PRELP: variants seen among roughly 807,000 people sequenced by gnomAD.
PRELP encodes proline and arginine rich end leucine rich repeat protein, also known as prolargin.
In PRELP, 16 loss-of-function variants were observed where a neutral mutation model predicts 22.8. That is an observed-to-expected ratio of 0.70 (90% CI 0.47 to 1.06). The LOEUF is 1.06. Among genes scored for constraint, PRELP ranks in the 50% least tolerant of loss-of-function variants. The pLI, the probability that PRELP is intolerant of heterozygous loss-of-function variation, is 0.00. For synonymous variants in PRELP, 233 were observed against 211.4 expected (o/e 1.10, Z -0.89); for missense variants, 434 against 485.2 (o/e 0.89, Z 0.99).
rs780983575 is a variant in PRELP, at chr1:203,486,859, T to C, written c.1127T>C (p.Leu376Pro). 1 of 1,613,972 alleles carries C rather than the reference T, an allele frequency of 6.2e-7. No homozygotes were observed. The highest frequency in any genetic ancestry group is 8.5e-7 in the Non-Finnish European group (1 of 1,179,902). Reference protein sequence around the residue: ...IPLDLMMCFRLLQSVVI With the variant: ...IPLDLMMCFRPLQSVVI ...CTGGACCTCATGATGTGCTTCCGCC[T>C]CCTGCAGTCCGTGGTCATCTAGGCC... The change falls in exon 3 of 3, where the codon CTC becomes CCC. Residue 376 changes from leucine to proline, a missense_variant. Physicochemically the swap from Leu to Pro is moderately conservative, Grantham distance 98 (BLOSUM62 -3). Coordinates refer to ENST00000343110, the MANE Select transcript of PRELP (RefSeq NM_002725.4).
At chr1:203,485,555 C>T (rs1290754801) in intron 2 of PRELP, among the ~76,000 whole-genome samples, 1 of 152,196 alleles carries the variant, frequency 6.6e-6, no homozygotes, top group Non-Finnish European at 1.5e-5. Flanking sequence ...AACATTCTCT[C>T]CCCTGATTAC....
In PRELP at chr1:203,483,291, C is replaced by T. The variant is rs762019841; in HGVS notation, c.107C>T (p.Pro36Leu). 2.5e-6 allele frequency: 4 copies of T among 1,613,386 alleles called. No homozygotes were observed. Among genetic ancestry groups the T allele is most frequent in the South Asian group, 2.2e-5 (2 of 91,026 alleles). ...CCCGGGACTGGGCCCGGGCGCAGAC[C>T]CAGGCCCAGGCCCAGGCCCACACCC... The part of the protein sequence containing the change: ...PRPGTGPGRR[P>L]RPRPRPTPSF... The change falls in exon 2 of 3, where the codon CCC (proline) becomes CTC (leucine). Residue 36 changes from proline to leucine, a missense_variant. By Grantham distance (98) the Pro-to-Leu change is moderately conservative. Transcript: ENST00000343110. This position sits in a 1 kb window ranked among gnomAD's most constrained non-coding sequence, Gnocchi z 4.4.
chr1:203,478,745 C>A lies in PRELP; in HGVS notation c.-17+2807C>A, dbSNP rs1293220959. Among the ~76,000 whole-genome samples the A allele has an allele frequency of 2.0e-5, 3 of 152,118 alleles. No individual in the cohort carries two copies. In the South Asian group the frequency reaches 6.2e-4, roughly 32 times the overall value. On this transcript the variant is annotated intron_variant, in intron 1 of 2. Transcript: ENST00000343110. ...CAGGCTCTCCTCCCACTGCCCCAGG[C>A]AAGCTCATCCTTGTATCGTTTCACC...
In PRELP at chr1:203,486,866, G is replaced by A; in HGVS notation, c.1134G>A (p.Gln378=). 6.2e-7 allele frequency: 1 copy of A among 1,613,790 alleles called. No individual in the cohort carries two copies. Among genetic ancestry groups the A allele is most frequent in the Non-Finnish European group, 8.5e-7 (1 of 1,179,818 alleles). The stretch of plus-strand genomic sequence containing the variant: ...TCATGATGTGCTTCCGCCTCCTGCA[G>A]TCCGTGGTCATCTAGGCCCTACTCC... ...LDLMMCFRLL[Q]SVVI is the part of the protein sequence containing the mutation. The change falls in exon 3 of 3, where the codon CAG becomes CAA. Residue 378 remains glutamine, a synonymous_variant. Coordinates refer to ENST00000343110, the MANE Select transcript of PRELP (RefSeq NM_002725.4).
intron 1 of PRELP, among the ~76,000 whole-genome samples, chr1:203,478,059 C>T (rs1342921146): frequency 6.6e-6 from 1 of 152,090 alleles, no homozygotes; most frequent in African/African-American, 2.4e-5. Context: ...GGAAGGAGAC[C>T]CCATTACTTT....
At chr1:203,477,514 C>T (rs1355900173) in intron 1 of PRELP, among the ~76,000 whole-genome samples, 3 of 152,210 alleles carry the variant, frequency 2.0e-5, no homozygotes, top group Non-Finnish European at 4.4e-5. Context: ...TGTTTCCCCT[C>T]ACCTGTTAAT....
intron 1 of PRELP, among the ~76,000 whole-genome samples, chr1:203,478,336 A>G (rs1374304597): frequency 1.3e-5 from 2 of 152,120 alleles, no homozygotes; most frequent in African/African-American, 2.4e-5. Flanking sequence ...GGCAGAGGAT[A>G]TGGTAGGTGG....
intron 1 of PRELP, among the ~76,000 whole-genome samples, chr1:203,482,269 GCTTT>G (rs74720908): frequency 1.3e-4 from 19 of 148,968 alleles, no homozygotes; most frequent in African/African-American, 3.7e-4. Context: ...AGTCCAGTGT[GCTTT>G]CTTTCTTTCT....
intron 1 of PRELP, among the ~76,000 whole-genome samples, chr1:203,482,683 C>T (rs1404005775): frequency 8.5e-5 from 12 of 141,304 alleles, no homozygotes; most frequent in African/African-American, 1.8e-4. Context: ...CTGCAAACTC[C>T]GCCTCCCGGG....
At position 203,483,954 on chromosome 1, in the gene PRELP, T is replaced by C; in HGVS notation, c.770T>C (p.Ile257Thr). The C allele has an allele frequency of 1.2e-6, 2 of 1,614,184 alleles. No individual in the cohort carries two copies. The highest frequency in any genetic ancestry group is 1.7e-6 in the Non-Finnish European group (2 of 1,180,036). Reference protein sequence around the residue: ...LYLDSNKIETIPNGYFKSFPN... With the variant: ...LYLDSNKIETTPNGYFKSFPN... Reference sequence around the variant, plus strand: ...CTGGACAGTAACAAGATTGAGACCATCCCTAACGGATACTTCAAGAGCTTT... The same window carrying C: ...CTGGACAGTAACAAGATTGAGACCACCCCTAACGGATACTTCAAGAGCTTT... Residue 257 changes from isoleucine (I) to threonine (T), a missense_variant, in exon 2 of 3, where the codon ATC (isoleucine) becomes ACC (threonine). By Grantham distance (89) the Ile-to-Thr change is moderately conservative. Transcript: ENST00000343110. This position sits in a 1 kb window ranked among gnomAD's most constrained non-coding sequence, Gnocchi z 4.4.
intron 1 of PRELP, among the ~76,000 whole-genome samples, chr1:203,476,187 T>C (rs972373930): frequency 3.9e-5 from 6 of 152,210 alleles, no homozygotes; most frequent in African/African-American, 1.2e-4. Flanking sequence ...CTGCTGCAGA[T>C]GTTTGTTGTA....
At chr1:203,484,181 G>A in intron 2 of PRELP, 24 bp downstream of exon 2, 1 of 1,511,610 alleles carries the variant, frequency 6.6e-7, no homozygotes, top group Admixed American at 1.7e-5. Context: ...GCCGGGGCGG[G>A]GCCGAAGGCA....
At chr1:203,477,191 G>A (rs543385658) in intron 1 of PRELP, among the ~76,000 whole-genome samples, 2 of 152,196 alleles carry the variant, frequency 1.3e-5, no homozygotes, top group East Asian at 3.9e-4. Context: ...CTACTGAATC[G>A]AGACCCAGGA....
chr1:203,480,991 C>A (rs566861776), intron 1 of PRELP, among the ~76,000 whole-genome samples: 1 of 148,944 alleles, frequency 6.7e-6, no homozygotes, highest in South Asian at 2.1e-4. Context: ...ACCAGGGCTG[C>A]CCTGGCACTG....
At chr1:203,486,682 AT>A in intron 2 of PRELP, 23 bp from the exon 3 acceptor site, 1 of 1,595,506 alleles carries the variant, frequency 6.3e-7, no homozygotes, top group Non-Finnish European at 8.6e-7. Context: ...CTCCCTTCTG[AT>A]TTCTCGTCTT....
rs180971603 is a variant in PRELP, at chr1:203,491,285, C to G, written c.*4404C>G. 2 of 152,176 alleles carry G rather than the reference C, an allele frequency of 1.3e-5. No individual in the cohort carries two copies. Among genetic ancestry groups the G allele is most frequent in the African/African-American group, 2.4e-5 (1 of 41,430 alleles). The allele number at this position is 152,176 out of a possible 1,614,324, so 9.4% of individuals were successfully genotyped here. On this transcript the variant is annotated 3_prime_UTR_variant, in exon 3 of 3. Transcript: ENST00000343110. This position sits in a 1 kb window ranked among gnomAD's most constrained non-coding sequence, Gnocchi z 4.4. The stretch of plus-strand genomic sequence containing the variant: ...AAATGGCCCCATCCCTATCTCCCTT[C>G]GCTGACTCTTTTCGGACTCAGCCCG...
rs1661126102 is a variant in PRELP, at chr1:203,487,938, C to T, written c.*1057C>T. The stretch of plus-strand genomic sequence containing the variant: ...CTCGGAGACAGACGCATCGGTGCCA[C>T]CTAGTGGCTGGTGGGAGTAACAGCT... On this transcript the variant is annotated 3_prime_UTR_variant, in exon 3 of 3. Transcript: ENST00000343110. The T allele has an allele frequency of 6.6e-6, 1 of 152,286 alleles. No individual in the cohort carries two copies. The highest frequency in any genetic ancestry group is 2.4e-5 in the African/African-American group (1 of 41,470). 9.4% of individuals were successfully genotyped at this position (152,286 alleles called of 1,614,324 possible). A position where few individuals can be genotyped will look rare whatever the true frequency, so the allele number is the denominator to read the frequency against.
intron 2 of PRELP, among the ~76,000 whole-genome samples, chr1:203,484,650 C>T (rs991427920): frequency 1.3e-5 from 2 of 152,216 alleles, no homozygotes; most frequent in African/African-American, 4.8e-5. Context: ...CTTCCCAAGC[C>T]TGAGCCTGGG....
chr1:203,486,506 T>G (rs1288847971), intron 2 of PRELP, among the ~76,000 whole-genome samples, 200 bp from the exon 3 acceptor site: 1 of 152,234 alleles, frequency 6.6e-6, no homozygotes, highest in Non-Finnish European at 1.5e-5. Context: ...TGTTGATCAA[T>G]TCCAACTTAA....
Sources: allele counts gnomAD v4.1 joint callset (sites outside exome capture counted in the v4.1 genomes callset), GRCh38; gene constraint gnomAD v4.1.1; non-coding constraint Gnocchi (gnomAD v3.1); transcripts MANE v1.5; gene names NCBI Gene and HGNC (gene_info 2026-07-23, HGNC 2026-07-21).